OSBP2: variants seen among roughly 807,000 people sequenced by gnomAD.
OSBP2 encodes oxysterol-binding protein 2.
In OSBP2, 66 loss-of-function variants were observed where a neutral mutation model predicts 96.0. The ratio of observed to expected loss-of-function variants is 0.69; its 90% CI spans 0.56 to 0.84. OSBP2 has a LOEUF of 0.84. OSBP2 is among the 40% of genes least tolerant of loss of function. OSBP2 has a pLI of 0.00. For synonymous variants in OSBP2, 525 were observed against 520.9 expected, an observed-to-expected ratio of 1.01 and a Z score of -0.11; for missense variants, 1,038 against 1,222.7, an observed-to-expected ratio of 0.85 and a Z score of 2.25.
intron 2 of OSBP2, among the ~76,000 whole-genome samples, chr22:30,751,119 C>G (rs1384238162): frequency 6.6e-6 from 1 of 152,174 alleles, no homozygotes; most frequent in East Asian, 1.9e-4. Context: ...CTGCCCACTT[C>G]AAGTTGTCCC....
intron 2 of OSBP2, among the ~76,000 whole-genome samples, chr22:30,793,521 C>CA (rs1212942290): frequency 6.6e-6 from 1 of 151,892 alleles, no homozygotes; most frequent in Non-Finnish European, 1.5e-5. Flanking sequence ...CACGGTGACT[C>CA]ATGCCTGTAA....
intron 2 of OSBP2, among the ~76,000 whole-genome samples, chr22:30,742,882 G>A (rs5997752): frequency 0.36 from 54,863 of 152,024 alleles, 10,232 homozygotes; most frequent in East Asian, 0.49. Context: ...GTCAGTGGGC[G>A]CGTACATTTG....
At chr22:30,724,146 A>G (rs5997741) in intron 1 of OSBP2, among the ~76,000 whole-genome samples, 3,044 of 152,308 alleles carry the variant, frequency 0.02, 105 homozygotes, top group African/African-American at 0.068. Flanking sequence ...CAGTATATAC[A>G]GTATTTAGCC....
At chr22:30,748,391 AC>A (rs1431302141) in intron 2 of OSBP2, among the ~76,000 whole-genome samples, 2 of 151,900 alleles carry the variant, frequency 1.3e-5, no homozygotes, top group Non-Finnish European at 2.9e-5. Flanking sequence ...AACTTCCAAG[AC>A]CCCCGAACCA....
chr22:30,708,786 G>A (rs1189208193), intron 1 of OSBP2, among the ~76,000 whole-genome samples: 2 of 151,152 alleles, frequency 1.3e-5, no homozygotes, highest in Non-Finnish European at 2.9e-5. Context: ...ACCGTGCCCG[G>A]CCAAGGATAA....
chr22:30,715,705 G>A (rs893927073), intron 1 of OSBP2, among the ~76,000 whole-genome samples: 1 of 151,666 alleles, frequency 6.6e-6, no homozygotes, highest in African/African-American at 2.4e-5. Context: ...ACAGGTGCCT[G>A]CCACCATGTC....
intron 2 of OSBP2, among the ~76,000 whole-genome samples, chr22:30,763,236 G>C (rs2090228911): frequency 6.6e-6 from 1 of 152,180 alleles, no homozygotes; most frequent in African/African-American, 2.4e-5. Context: ...AAATAATACA[G>C]GTTCCCAAGA....
rs371095235 is a variant in OSBP2, at chr22:30,744,761, A to AAAAC, written c.853+3416_853+3419dup. ...GGGCAACAGAGTGAGACTCTGTCTC[A>AAAAC]AAACAAACAAACAAACAAACAAACA... On this transcript the variant is annotated intron_variant, in intron 2 of 13. Coordinates refer to ENST00000332585, the MANE Select transcript of OSBP2 (RefSeq NM_030758.4). Among the ~76,000 whole-genome samples the AAAAC allele has an allele frequency of 1.1e-3, 172 of 152,130 alleles. 1 individual carries two copies. Among genetic ancestry groups the AAAAC allele is most frequent in the East Asian group, 3.3e-3 (17 of 5,180 alleles).
intron 2 of OSBP2, among the ~76,000 whole-genome samples, chr22:30,866,593 C>T (rs763645671): frequency 3.9e-5 from 6 of 152,140 alleles, no homozygotes; most frequent in Non-Finnish European, 5.9e-5. Flanking sequence ...AAAAATTAGC[C>T]AGGCATGGTG....
At chr22:30,905,802 C>A in intron 12 of OSBP2, 35 bp from the exon 13 acceptor site, 1 of 1,607,646 alleles carries the variant, frequency 6.2e-7, no homozygotes, top group Non-Finnish European at 8.5e-7. Flanking sequence ...CGGCTCACAC[C>A]GCAGCCACCG....
chr22:30,799,336 G>A (rs927871020), intron 2 of OSBP2, among the ~76,000 whole-genome samples: 4 of 152,184 alleles, frequency 2.6e-5, no homozygotes, highest in Non-Finnish European at 5.9e-5. Flanking sequence ...GACCAAGCTG[G>A]TCTTGAAAAA....
chr22:30,879,126 C>T (rs907457353), intron 3 of OSBP2, among the ~76,000 whole-genome samples: 8 of 152,210 alleles, frequency 5.3e-5, no homozygotes, highest in Non-Finnish European at 1.0e-4. Flanking sequence ...TCTTGGCTCA[C>T]GGCCCAGGAG....
At chr22:30,767,509 A>G (rs990098888) in intron 2 of OSBP2, among the ~76,000 whole-genome samples, 13 of 150,944 alleles carry the variant, frequency 8.6e-5, no homozygotes, top group Admixed American at 2.0e-4. Flanking sequence ...CCCATTTGTT[A>G]ACATGTCTGG....
rs780352176 is a variant in OSBP2 at position 30,893,948 on chromosome 22, G to A, written c.2322G>A (p.Lys774=). ...GCCCCAGCTCTGACGGGAAGCAGAA[G>A]ACAGTGTACCAGACCCTGTCAGCCA... is the stretch of plus-strand genomic sequence containing the variant. The part of the protein sequence containing the change: ...PSSPSSDGKQ[K]TVYQTLSAKL... Residue 774 remains lysine, a synonymous_variant, in exon 12 of 14, where the codon AAG becomes AAA. Coordinates refer to ENST00000332585, the MANE Select transcript of OSBP2 (RefSeq NM_030758.4). 3 of 1,600,106 alleles carry A rather than the reference G, an allele frequency of 1.9e-6. No homozygotes were observed. Among genetic ancestry groups the A allele is most frequent in the South Asian group, 1.1e-5 (1 of 88,508 alleles).
chr22:30,905,773 C>T (rs1211285694), intron 12 of OSBP2, 64 bp from the exon 13 acceptor site: 7 of 1,587,398 alleles, frequency 4.4e-6, no homozygotes, highest in East Asian at 2.3e-5. Context: ...CAGGGGAGGG[C>T]GGCCGGGTAG....
intron 12 of OSBP2, among the ~76,000 whole-genome samples, chr22:30,903,034 G>A (rs879657664): frequency 5.3e-5 from 8 of 152,080 alleles, no homozygotes; most frequent in Non-Finnish European, 1.2e-4. Context: ...TTTTCCTTCT[G>A]TCCTTTTCCT....
chr22:30,844,345 C>T (rs948013894), intron 2 of OSBP2: 1 of 152,300 alleles, frequency 6.6e-6, no homozygotes, highest in Non-Finnish European at 1.5e-5. Flanking sequence ...ACATCTTCTT[C>T]CAACAGAAGA....
chr22:30,803,588 CT>C (rs1313858961), intron 2 of OSBP2, among the ~76,000 whole-genome samples: 1 of 152,260 alleles, frequency 6.6e-6, no homozygotes, highest in Non-Finnish European at 1.5e-5. Flanking sequence ...GGCCAGCCAT[CT>C]TTTAGCAGGG....
chr22:30,843,465 T>C (rs569527375), intron 2 of OSBP2, among the ~76,000 whole-genome samples: 6 of 140,272 alleles, frequency 4.3e-5, no homozygotes, highest in East Asian at 5.0e-4. Context: ...CCTTGAGCAA[T>C]AGGTCCTGAC....
Sources: allele counts gnomAD v4.1 joint callset (sites outside exome capture counted in the v4.1 genomes callset), GRCh38; gene constraint gnomAD v4.1.1; transcripts MANE v1.5; gene names NCBI Gene and HGNC (gene_info 2026-07-23, HGNC 2026-07-21).